Variants in MGAT5B observed in about 807,000 individuals in gnomAD.
MGAT5B encodes alpha-1,6-mannosylglycoprotein 6-beta-N-acetylglucosaminyltransferase B, also known as N-acetylglucosaminyl-transferase Vb.
In MGAT5B, 54 loss-of-function variants were observed where a neutral mutation model predicts 95.1. That is an observed-to-expected ratio of 0.57 (90% CI 0.46 to 0.71). MGAT5B has a LOEUF of 0.71. MGAT5B is among the 30% of genes least tolerant of loss of function. The probability of loss-of-function intolerance (pLI) is 0.00; values close to 1 mark genes in which losing one functional copy is unlikely to be tolerated. For missense variants in MGAT5B, 935 were observed against 1,088.6 expected, an observed-to-expected ratio of 0.86 and a Z score of 1.99; for synonymous variants, 464 against 451.0, an observed-to-expected ratio of 1.03 and a Z score of -0.36.
chr17:76,924,619 C>T (rs923907316), intron 8 of MGAT5B, among the ~76,000 whole-genome samples: 11 of 152,216 alleles, frequency 7.2e-5, no homozygotes, highest in African/African-American at 2.4e-4. Context: ...CCGCCAGCAT[C>T]CATGGGATTT....
At chr17:76,871,891 C>G (rs1015171551) in intron 1 of MGAT5B, among the ~76,000 whole-genome samples, 11 of 152,200 alleles carry the variant, frequency 7.2e-5, no homozygotes, top group African/African-American at 2.7e-4. Flanking sequence ...CTGTTTGGGG[C>G]CTAGGATTGA....
intron 3 of MGAT5B, among the ~76,000 whole-genome samples, chr17:76,897,160 T>A (rs1171629759): frequency 6.6e-6 from 1 of 152,150 alleles, no homozygotes; most frequent in Admixed American, 6.6e-5. Flanking sequence ...CAAGTGATCC[T>A]CCTGCCTTGC....
rs1040677935 is a variant in MGAT5B, at chr17:76,949,072, C to T, written c.*234C>T. 5.4e-5 allele frequency: 32 copies of T among 595,310 alleles called. No individual in the cohort carries two copies. Among genetic ancestry groups the T allele is most frequent in the Non-Finnish European group, 8.9e-5 (30 of 337,644 alleles). 36.9% of individuals were successfully genotyped at this position (595,310 alleles called of 1,614,324 possible). The stretch of plus-strand genomic sequence containing the variant: ...GCTCCGGTTCTCTCCTGGGGACTCA[C>T]AGAAGCATCGTGGCCAAGCAGGTGT... On this transcript the variant is annotated 3_prime_UTR_variant, in exon 18 of 18. Transcript: ENST00000569840.
intron 11 of MGAT5B, 117 bp downstream of exon 11, chr17:76,932,892 C>T: frequency 7.0e-7 from 1 of 1,428,490 alleles, no homozygotes; most frequent in Non-Finnish European, 9.3e-7. Flanking sequence ...GCCCTGCATG[C>T]TGGAAATGTC....
intron 12 of MGAT5B, 56 bp from the exon 13 acceptor site, chr17:76,937,932 G>A (rs1343177598): frequency 6.3e-7 from 1 of 1,597,700 alleles, no homozygotes; most frequent in African/African-American, 1.3e-5. Context: ...CTCCTCCATG[G>A]ACTTTGCCTT....
intron 11 of MGAT5B, among the ~76,000 whole-genome samples, 197 bp from the exon 12 acceptor site, chr17:76,933,095 G>A (rs925010162): frequency 6.6e-6 from 1 of 152,228 alleles, no homozygotes; most frequent in Non-Finnish European, 1.5e-5. Context: ...TCGGTGGATG[G>A]GGGGGTGGTC....
chr17:76,877,558 G>A (rs79760823), intron 2 of MGAT5B, among the ~76,000 whole-genome samples: 11,122 of 152,172 alleles, frequency 0.073, 442 homozygotes, highest in African/African-American at 0.076. Context: ...CAGGCTTGAT[G>A]GATGGGGGAC....
chr17:76,899,327 T>C (rs1968219140), intron 3 of MGAT5B, among the ~76,000 whole-genome samples: 1 of 152,192 alleles, frequency 6.6e-6, no homozygotes, highest in Non-Finnish European at 1.5e-5. Context: ...GAGGTTTCCC[T>C]GCCTCTGCAC....
chr17:76,946,891 G>T (rs1386095616), intron 16 of MGAT5B, among the ~76,000 whole-genome samples: 5 of 152,236 alleles, frequency 3.3e-5, no homozygotes, highest in African/African-American at 1.2e-4. Context: ...CAGCCCCACG[G>T]TTTCAAAAAC....
intron 12 of MGAT5B, among the ~76,000 whole-genome samples, chr17:76,934,185 G>A (rs1298287480): frequency 1.3e-5 from 2 of 152,220 alleles, no homozygotes; most frequent in East Asian, 1.9e-4. Flanking sequence ...TTCACTGAGA[G>A]CTTGCTATGT....
rs1968990301 is a variant in MGAT5B, at chr17:76,917,822, A to G, written c.1026-7144A>G. Among the ~76,000 whole-genome samples the G allele has an allele frequency of 6.6e-6, 1 of 152,330 alleles. No homozygotes were observed. Among genetic ancestry groups the G allele is most frequent in the East Asian group, 1.9e-4 (1 of 5,178 alleles). ...GACGCCCAGGCCCCAGCCCGGAGCA[A>G]ATAGAGGGACCCTCGGGGTGGCCTG... On this transcript the variant is annotated intron_variant, in intron 8 of 17. Transcript: ENST00000569840. This position sits in a 1 kb window ranked among gnomAD's most constrained non-coding sequence, Gnocchi z 6.1.
At chr17:76,948,443 G>T (rs1439894953) in intron 17 of MGAT5B, among the ~76,000 whole-genome samples, 197 bp from the exon 18 acceptor site, 1 of 152,166 alleles carries the variant, frequency 6.6e-6, no homozygotes, top group Non-Finnish European at 1.5e-5. Context: ...TCCAGGCCAG[G>T]CCCCTCTCTT....
Position 76,905,433 on chromosome 17 carries a change from C to A in MGAT5B, c.855+100C>A. The A allele has an allele frequency of 9.1e-7, 1 of 1,095,480 alleles. No homozygotes were observed. Among genetic ancestry groups the A allele is most frequent in the Non-Finnish European group, 1.3e-6 (1 of 790,858 alleles). The allele number at this position is 1,095,480 out of a possible 1,614,324, so 67.9% of individuals were successfully genotyped here. A position where few individuals can be genotyped will look rare whatever the true frequency, so the allele number is the denominator to read the frequency against. On this transcript the variant is annotated intron_variant, in intron 7 of 17. Coordinates refer to ENST00000569840, the MANE Select transcript of MGAT5B (RefSeq NM_001199172.2). This position sits in a 1 kb window ranked among gnomAD's most constrained non-coding sequence, Gnocchi z 4.2. ...AGGTCTTCAAACAAGCTGTAGTGGG[C>A]TTCTGAATTTGATCAGAGGGAGAGA...
intron 3 of MGAT5B, among the ~76,000 whole-genome samples, chr17:76,901,327 G>A (rs1968309286): frequency 6.6e-6 from 1 of 151,832 alleles, no homozygotes; most frequent in Non-Finnish European, 1.5e-5. Flanking sequence ...CCTTGTATAG[G>A]GATAAACGGA....
At position 76,940,020 on chromosome 17, in the gene MGAT5B, T is replaced by C. The variant is rs1362565543; in HGVS notation, c.1585-382T>C. 6.6e-6 allele frequency among the ~76,000 whole-genome samples: 1 copy of C among 152,174 alleles called. No individual in the cohort carries two copies. The highest frequency in any genetic ancestry group is 1.5e-5 in the Non-Finnish European group (1 of 68,028). On this transcript the variant is annotated intron_variant, in intron 13 of 17. Transcript: ENST00000569840. The surrounding 1 kb of genome is among the most constrained non-coding windows in gnomAD (Gnocchi z 4.3). ...TGTTTTTGGGATGAGTGAGTGAGGT[T>C]CCTGGAGGTCTCTTGCAGGTGCGGG...
chr17:76,880,584 C>T (rs941421740), intron 2 of MGAT5B, among the ~76,000 whole-genome samples: 1 of 152,360 alleles, frequency 6.6e-6, no homozygotes, highest in Admixed American at 6.5e-5. Context: ...TCTCTCGTCA[C>T]CTTCCTGGTC....
At chr17:76,913,361 T>C (rs912981130) in intron 8 of MGAT5B, among the ~76,000 whole-genome samples, 7 of 152,230 alleles carry the variant, frequency 4.6e-5, no homozygotes, top group Non-Finnish European at 7.3e-5. Context: ...TGGGCCCAGC[T>C]GCTGGAAACC....
In MGAT5B at chr17:76,917,365, C is replaced by T. The variant is rs61160858; in HGVS notation, c.1026-7601C>T. On this transcript the variant is annotated intron_variant, in intron 8 of 17. Coordinates refer to ENST00000569840, the MANE Select transcript of MGAT5B (RefSeq NM_001199172.2). The surrounding 1 kb of genome is among the most constrained non-coding windows in gnomAD (Gnocchi z 6.1). ...GGGTGCCTTCCCACAGCAGGTATCT[C>T]GTCACCCCAGTCCAGCATACATTTA... Among the ~76,000 whole-genome samples, 19,675 of 151,644 alleles carry T rather than the reference C, an allele frequency of 0.13. 1,403 individuals carry two copies. The highest frequency in any genetic ancestry group is 0.2 in the African/African-American group (8,086 of 41,232).
chr17:76,948,664 C>T lies in MGAT5B; in HGVS notation c.2205C>T (p.Thr735=), dbSNP rs373336679. The T allele has an allele frequency of 7.4e-6, 12 of 1,612,678 alleles. No homozygotes were observed. Among genetic ancestry groups the T allele is most frequent in the South Asian group, 5.5e-5 (5 of 90,786 alleles). The change falls in exon 18 of 18, where the codon ACC becomes ACT. Residue 735 remains threonine, a synonymous_variant. Coordinates refer to ENST00000569840, the MANE Select transcript of MGAT5B (RefSeq NM_001199172.2). The part of the protein sequence containing the change: ...FLKLQVPCDS[T]ESEMNHLYPA... The stretch of plus-strand genomic sequence containing the variant: ...GGCTGCAGGTGCCCTGTGACAGCAC[C>T]GAGTCGGAGATGAACCACCTGTACC...
Sources: allele counts gnomAD v4.1 joint callset (sites outside exome capture counted in the v4.1 genomes callset), GRCh38; gene constraint gnomAD v4.1.1; non-coding constraint Gnocchi (gnomAD v3.1); transcripts MANE v1.5; gene names NCBI Gene and HGNC (gene_info 2026-07-23, HGNC 2026-07-21).